ZBTB20: variants seen among roughly 807,000 people sequenced by gnomAD.
ZBTB20 encodes the protein zinc finger and BTB domain-containing protein 20.
In ZBTB20, 9 loss-of-function variants were observed where a neutral mutation model predicts 56.9. The ratio of observed to expected loss-of-function variants is 0.16; its 90% CI spans 0.10 to 0.28. ZBTB20 has a LOEUF of 0.28. ZBTB20 is among the 10% of genes least tolerant of loss of function. The pLI, the probability that ZBTB20 is intolerant of heterozygous loss-of-function variation, is 1.00. For missense variants in ZBTB20, 655 were observed against 1,003.0 expected (o/e 0.65, Z 4.69); for synonymous variants, 417 against 420.7 (o/e 0.99, Z 0.11).
intron 2 of ZBTB20, among the ~76,000 whole-genome samples, chr3:114,978,208 T>A (rs2078184237): frequency 6.7e-6 from 1 of 150,206 alleles, no homozygotes; most frequent in African/African-American, 2.4e-5. Context: ...GAATTGTGAG[T>A]TCTCTTCTAA....
At chr3:114,635,033 C>T (rs184019213) in intron 6 of ZBTB20, among the ~76,000 whole-genome samples, 1 of 152,244 alleles carries the variant, frequency 6.6e-6, no homozygotes, top group East Asian at 1.9e-4. Flanking sequence ...ATGAAGGGGG[C>T]CTTATTCTCA....
chr3:114,912,177 C>T (rs1192922008), intron 3 of ZBTB20, among the ~76,000 whole-genome samples: 1 of 146,550 alleles, frequency 6.8e-6, no homozygotes, highest in Non-Finnish European at 1.5e-5. Context: ...TCCACAAAAG[C>T]TGTCCTTCAA....
intron 7 of ZBTB20, among the ~76,000 whole-genome samples, chr3:114,394,898 G>A (rs1289489056): frequency 6.6e-6 from 1 of 151,932 alleles, no homozygotes; most frequent in African/African-American, 2.4e-5. Context: ...ATCCCCAAGG[G>A]TTTTCCCCTC....
intron 7 of ZBTB20, among the ~76,000 whole-genome samples, chr3:114,431,943 T>C (rs2090152631): frequency 2.0e-5 from 3 of 152,138 alleles, no homozygotes; most frequent in Admixed American, 2.0e-4. Flanking sequence ...AAAGGAAACA[T>C]TAGCACCAAA....
intron 5 of ZBTB20, among the ~76,000 whole-genome samples, chr3:114,765,852 T>G (rs1202520530): frequency 1.3e-5 from 2 of 152,188 alleles, no homozygotes; most frequent in Non-Finnish European, 2.9e-5. Context: ...TGGTTTTCAA[T>G]TTTTCCTAAT....
At chr3:114,456,954 C>A (rs1055105181) in intron 7 of ZBTB20, among the ~76,000 whole-genome samples, 2 of 152,216 alleles carry the variant, frequency 1.3e-5, no homozygotes, top group Non-Finnish European at 2.9e-5. Context: ...TGAGAGAAGT[C>A]ATAGCCAGAG....
chr3:114,830,989 T>G (rs2073806756), intron 4 of ZBTB20, among the ~76,000 whole-genome samples: 1 of 151,586 alleles, frequency 6.6e-6, no homozygotes, highest in African/African-American at 2.4e-5. Context: ...TCTCCTGCAA[T>G]TCCTACCTAT....
chr3:114,784,049 T>C (rs1014332964), intron 5 of ZBTB20, among the ~76,000 whole-genome samples: 8 of 152,352 alleles, frequency 5.3e-5, no homozygotes, highest in South Asian at 2.1e-4. Flanking sequence ...GTATAACCTA[T>C]AGTCCATAAC....
At chr3:114,885,170 G>A (rs586320) in intron 4 of ZBTB20, among the ~76,000 whole-genome samples, 76,031 of 151,876 alleles carry the variant, frequency 0.5, 19,726 homozygotes, top group East Asian at 0.79. Context: ...CCTCCCAACT[G>A]TACATTGTTA....
intron 6 of ZBTB20, among the ~76,000 whole-genome samples, chr3:114,586,150 T>C (rs904125706): frequency 5.3e-5 from 8 of 152,234 alleles, no homozygotes; most frequent in Admixed American, 2.0e-4. Context: ...GGTTCCTCCA[T>C]GTTTAGAATT....
intron 2 of ZBTB20, among the ~76,000 whole-genome samples, chr3:115,023,608 A>C (rs1048784785): frequency 1.3e-5 from 2 of 150,892 alleles, no homozygotes; most frequent in Admixed American, 1.3e-4. Context: ...ATAAACTCTT[A>C]CACTATGGAG....
intron 6 of ZBTB20, among the ~76,000 whole-genome samples, chr3:114,542,625 G>A (rs1032945294): frequency 6.6e-6 from 1 of 152,104 alleles, no homozygotes; most frequent in Non-Finnish European, 1.5e-5. Context: ...CTTGTGTAAT[G>A]AAAAGGAAAT....
intron 6 of ZBTB20, among the ~76,000 whole-genome samples, chr3:114,671,195 C>A (rs1156593625): frequency 6.6e-6 from 1 of 152,024 alleles, no homozygotes; most frequent in Non-Finnish European, 1.5e-5. Context: ...TGTAAGTAAT[C>A]TTGTTGTTAT....
chr3:114,708,015 T>C (rs1262801373), intron 5 of ZBTB20, among the ~76,000 whole-genome samples: 1 of 152,230 alleles, frequency 6.6e-6, no homozygotes, highest in Non-Finnish European at 1.5e-5. Context: ...CAATGCCTAA[T>C]GCATTGTGAG....
At position 114,351,255 on chromosome 3, in the gene ZBTB20, C is replaced by T. The variant is rs1006973939; in HGVS notation, c.823G>A (p.Gly275Ser). 3 of 1,600,708 alleles carry T rather than the reference C, an allele frequency of 1.9e-6. No homozygotes were observed. The highest frequency in any genetic ancestry group is 2.2e-5 in the East Asian group (1 of 44,682). ...AVVSHHETAL[G>S]LPRDHHMEDP... ...TCCATGTGGTGGTCGCGGGGCAGGCCGAGCGCAGTCTCGTGGTGGCTGACC... is the reference window on the plus strand; with the variant it reads ...TCCATGTGGTGGTCGCGGGGCAGGCTGAGCGCAGTCTCGTGGTGGCTGACC... The change falls in exon 11 of 12, where the codon GGC (glycine) becomes AGC (serine). Residue 275 changes from glycine (G) to serine (S), a missense_variant. Gly to Ser is a moderately conservative substitution (Grantham distance 56). Coordinates refer to ENST00000675478, the MANE Select transcript of ZBTB20 (RefSeq NM_001348800.3).
intron 1 of ZBTB20, among the ~76,000 whole-genome samples, chr3:115,145,513 T>C (rs2084937422): frequency 8.6e-6 from 1 of 116,360 alleles, no homozygotes; most frequent in African/African-American, 2.9e-5. Flanking sequence ...TACAAGTAAA[T>C]GCCATGTATT....
chr3:115,001,739 T>C (rs991867779), intron 2 of ZBTB20, among the ~76,000 whole-genome samples: 3 of 151,348 alleles, frequency 2.0e-5, no homozygotes, highest in Non-Finnish European at 4.4e-5. Flanking sequence ...TGATCAAAGG[T>C]ATCAAAAAAG....
At chr3:114,826,640 C>T (rs990386715) in intron 4 of ZBTB20, among the ~76,000 whole-genome samples, 3 of 151,490 alleles carry the variant, frequency 2.0e-5, no homozygotes, top group East Asian at 1.9e-4. Context: ...CAGTGCACAA[C>T]GTGAACACTG....
rs1293124162 is a variant in ZBTB20 at position 114,532,896 on chromosome 3, T to C, written c.-294-32505A>G. Among the ~76,000 whole-genome samples, 9 of 152,106 alleles carry C rather than the reference T, an allele frequency of 5.9e-5. No individual in the cohort carries two copies. The East Asian group carries it at 7.7e-4, about 13-fold the overall frequency. ...AACTCCAGCAGACCTGCAGCAGAGATGCCAGACTGTTAGAAGGAAAACTAA... is the reference window on the plus strand; with the variant it reads ...AACTCCAGCAGACCTGCAGCAGAGACGCCAGACTGTTAGAAGGAAAACTAA... On this transcript the variant is annotated intron_variant, in intron 6 of 11. Coordinates refer to ENST00000675478, the MANE Select transcript of ZBTB20 (RefSeq NM_001348800.3).
Sources: gnomAD v4.1 joint callset for allele counts (sites outside exome capture counted in the v4.1 genomes callset) on GRCh38, gnomAD v4.1.1 for gene constraint, MANE v1.5 for transcripts, NCBI Gene and HGNC (gene_info 2026-07-23, HGNC 2026-07-21) for gene names.